DMPK: variants seen among roughly 807,000 people sequenced by gnomAD.
The protein encoded by DMPK is myotonin-protein kinase.
DMPK carries 32 observed loss-of-function variants against 70.3 expected under a neutral mutation model. That is an observed-to-expected ratio of 0.46 (90% CI 0.34 to 0.61). The LOEUF (loss-of-function observed/expected upper bound fraction) is 0.61. Ranked by LOEUF, DMPK falls within the 20% of genes least tolerant of loss-of-function variation. The pLI is 0.01. For missense variants in DMPK, 899 were observed against 886.0 expected (o/e 1.01, Z -0.19); for synonymous variants, 469 against 390.9 (o/e 1.20, Z -2.36).
chr19:45,770,914 G>T (rs939894571), intron 14 of DMPK, 57 bp downstream of exon 14: 9 of 1,271,924 alleles, frequency 7.1e-6, no homozygotes, highest in Non-Finnish European at 9.3e-6. Flanking sequence ...CGGGTGGCAA[G>T]GGGCGGGTGG....
intron 1 of DMPK, chr19:45,780,879 G>C (rs1970076150): frequency 6.6e-6 from 1 of 152,166 alleles, no homozygotes; most frequent in African/African-American, 2.4e-5. Flanking sequence ...TGGCAGGGGA[G>C]GGGCCGCGAG....
At chr19:45,774,590 G>A (rs1487756009) in intron 9 of DMPK, among the ~76,000 whole-genome samples, 5 of 152,096 alleles carry the variant, frequency 3.3e-5, no homozygotes, top group Non-Finnish European at 7.4e-5. Context: ...TGGCCTTATT[G>A]TTATATGGCT....
intron 13 of DMPK, 73 bp from the exon 14 acceptor site, chr19:45,771,133 G>T: frequency 7.7e-7 from 1 of 1,296,106 alleles, no homozygotes; most frequent in Non-Finnish European, 1.1e-6. Context: ...GAGACAGCGA[G>T]GGGAATCGAG....
In DMPK at chr19:45,771,627, T is replaced by G; in HGVS notation, c.1541A>C (p.Glu514Ala). Residue 514 changes from glutamate (E) to alanine (A), a missense_variant, in exon 12 of 15, where the codon GAG becomes GCG. Transcript: ENST00000291270. ...REAEARNRDL[E>A]AHVRQLQERM... ...CTCCTGCAACTGCCGGACGTGTGCC[T>G]CTAGGTCCCGGTTCCGAGCCTCTGC... 1.2e-6 allele frequency: 2 copies of G among 1,614,010 alleles called. No individual in the cohort carries two copies. Among genetic ancestry groups the G allele is most frequent in the South Asian group, 1.1e-5 (1 of 91,090 alleles).
At position 45,770,467 on chromosome 19, in the gene DMPK, A is replaced by G. The variant is rs1230650658; in HGVS notation, c.*21T>C. The G allele has an allele frequency of 2.5e-5, 38 of 1,549,434 alleles. No homozygotes were observed. The highest frequency in any genetic ancestry group is 3.2e-5 in the Non-Finnish European group (37 of 1,146,712). On this transcript the variant is annotated 3_prime_UTR_variant, in exon 15 of 15. Transcript: ENST00000291270. ...ACTCAGTCTTCCAACGGGGCCCCGG[A>G]GTCGAAGACAGTTCTAGGGTTCAGG...
chr19:45,771,277 G>A (rs775964614), intron 13 of DMPK, 73 bp downstream of exon 13: 22 of 1,531,186 alleles, frequency 1.4e-5, no homozygotes, highest in Non-Finnish European at 1.8e-5. Flanking sequence ...TCTGGACGGG[G>A]AGACCAGGAG....
At chr19:45,782,057 C>G in intron 1 of DMPK, 136 bp downstream of exon 1, 1 of 830,392 alleles carries the variant, frequency 1.2e-6, no homozygotes, top group Non-Finnish European at 1.8e-6. Flanking sequence ...GGTCCACACT[C>G]TGAGCCCCAG....
chr19:45,770,883 C>G (rs1969367877), intron 14 of DMPK, 88 bp downstream of exon 14: 2 of 1,127,560 alleles, frequency 1.8e-6, no homozygotes, highest in Non-Finnish European at 2.4e-6. Context: ...GTGGGCCCAG[C>G]CCCGCAAATG....
Position 45,770,366 on chromosome 19 carries a change from G to A in DMPK, c.*122C>T. 7.6e-7 allele frequency: 1 copy of A among 1,314,796 alleles called. No individual in the cohort carries two copies. Among genetic ancestry groups the A allele is most frequent in the Non-Finnish European group, 1.1e-6 (1 of 937,432 alleles). The allele number at this position is 1,314,796 out of a possible 1,614,324, so 81.4% of individuals were successfully genotyped here. On this transcript the variant is annotated 3_prime_UTR_variant, in exon 15 of 15. Coordinates refer to ENST00000291270, the MANE Select transcript of DMPK (RefSeq NM_004409.5). ...GGCGGGCCCGGATCACAGGACTGGA[G>A]CTGGGCGGAGACCCACGCTCGGAGC...
intron 1 of DMPK, chr19:45,780,269 T>TTC (rs1970043733): frequency 6.6e-7 from 1 of 1,512,072 alleles, no homozygotes; most frequent in East Asian, 2.3e-5. Flanking sequence ...CACCCCCACG[T>TTC]TCTCATGTAG....
Position 45,771,749 on chromosome 19 carries a change from C to G in DMPK, c.1502+22G>C, listed in dbSNP as rs1425437623. ...TTGCCACCGGCCCGCATCCCGGCCC[C>G]GGCCCCGGCCCCGATCCCGACCTGG... On this transcript the variant is annotated intron_variant, in intron 11 of 14. Coordinates refer to ENST00000291270, the MANE Select transcript of DMPK (RefSeq NM_004409.5). The G allele has an allele frequency of 6.9e-6, 11 of 1,587,176 alleles. No homozygotes were observed. In the South Asian group the frequency reaches 1.0e-4, roughly 15 times the overall value.
chr19:45,780,636 C>T (rs972152926), intron 1 of DMPK: 24 of 1,000,172 alleles, frequency 2.4e-5, no homozygotes, highest in Non-Finnish European at 2.9e-5. Context: ...GGCCTGGACT[C>T]CCGGGGGTGG....
chr19:45,771,508 C>T (rs575984462), intron 12 of DMPK, 60 bp downstream of exon 12: 2 of 1,611,242 alleles, frequency 1.2e-6, no homozygotes, highest in South Asian at 1.1e-5. Context: ...ACACGCCCCG[C>T]GGAGCAGACG....
Position 45,777,547 on chromosome 19 carries a change from T to A in DMPK, c.926A>T (p.Glu309Val). The part of the protein sequence containing the change: ...LPLVDEGVPE[E>V]ARDFIQRLLC... ...CAACCGCTGAATGAAGTCTCGAGCC[T>A]CCTCAGGGACCCCTTCGTCCACCAG... is the stretch of plus-strand genomic sequence containing the variant. The change falls in exon 8 of 15, where the codon GAG (glutamate) becomes GTG (valine). Residue 309 changes from glutamate (E) to valine (V), a missense_variant. By Grantham distance (121) the Glu-to-Val change is moderately radical (BLOSUM62 -2). Around this residue, in one of 3 missense-constraint regions of DMPK, gnomAD observed 555 missense variants for 483.8 expected, o/e 1.15. Coordinates refer to ENST00000291270, the MANE Select transcript of DMPK (RefSeq NM_004409.5). This position sits in a 1 kb window ranked among gnomAD's most constrained non-coding sequence, Gnocchi z 6.7. 1 of 1,613,592 alleles carries A rather than the reference T, an allele frequency of 6.2e-7. No homozygotes were observed. Among genetic ancestry groups the A allele is most frequent in the Non-Finnish European group, 8.5e-7 (1 of 1,179,984 alleles).
chr19:45,771,632 G>C lies in DMPK; in HGVS notation c.1536C>G (p.Asp512Glu), dbSNP rs530429994. The C allele has an allele frequency of 6.2e-7, 1 of 1,614,022 alleles. No individual in the cohort carries two copies. Among genetic ancestry groups the C allele is most frequent in the East Asian group, 2.2e-5 (1 of 44,874 alleles). Reference sequence around the variant, plus strand: ...GCAACTGCCGGACGTGTGCCTCTAGGTCCCGGTTCCGAGCCTCTGCCTCGC... The same window carrying C: ...GCAACTGCCGGACGTGTGCCTCTAGCTCCCGGTTCCGAGCCTCTGCCTCGC... The part of the protein sequence containing the change: ...QLREAEARNR[D>E]LEAHVRQLQE... Residue 512 changes from aspartate (D) to glutamate (E), a missense_variant, in exon 12 of 15, where the codon GAC (aspartate) becomes GAG (glutamate). Around this residue, in one of 3 missense-constraint regions of DMPK, gnomAD observed 555 missense variants for 483.8 expected, o/e 1.15. Transcript: ENST00000291270.
At chr19:45,770,690 C>T in intron 14 of DMPK, 50 bp from the exon 15 acceptor site, 1 of 1,535,178 alleles carries the variant, frequency 6.5e-7, no homozygotes, top group Non-Finnish European at 8.8e-7. Context: ...CTGATTGGCT[C>T]CTGGGACTCG....
At chr19:45,771,298 G>T in intron 13 of DMPK, 52 bp downstream of exon 13, 3 of 1,554,330 alleles carry the variant, frequency 1.9e-6, no homozygotes, top group East Asian at 2.3e-5. Flanking sequence ...CCAGGGAGGG[G>T]ATCTGCAGAA....
At position 45,770,184 on chromosome 19, in the gene DMPK, A is replaced by C; in HGVS notation, c.*304T>G. On this transcript the variant is annotated 3_prime_UTR_variant, in exon 15 of 15. Transcript: ENST00000291270. ...CAGGGCCTCAGCCTGGCCGAAAGAA[A>C]GAAATGGTCTGTGATCCCCCCAGCA... The C allele has an allele frequency of 1.5e-6, 1 of 676,904 alleles. No individual in the cohort carries two copies. The highest frequency in any genetic ancestry group is 2.4e-6 in the Non-Finnish European group (1 of 416,052). The allele number at this position is 676,904 out of a possible 1,614,324, so 41.9% of individuals were successfully genotyped here.
At chr19:45,772,823 G>C (rs910402600) in intron 9 of DMPK, 71 bp from the exon 10 acceptor site, 4 of 895,752 alleles carry the variant, frequency 4.5e-6, no homozygotes, top group Non-Finnish European at 6.3e-6. Flanking sequence ...AGAACTTCTG[G>C]CCTGTGGGTA....
Sources: allele counts gnomAD v4.1 joint callset (sites outside exome capture counted in the v4.1 genomes callset), GRCh38; gene constraint gnomAD v4.1.1; regional missense constraint gnomAD v4.1.1; non-coding constraint Gnocchi (gnomAD v3.1); transcripts MANE v1.5; gene names NCBI Gene and HGNC (gene_info 2026-07-23, HGNC 2026-07-21).